Variants in PATJ observed in about 807,000 individuals in gnomAD.
The protein encoded by PATJ is inaD-like protein.
Under a neutral mutation model 224.9 loss-of-function variants are expected in PATJ, and 190 were observed. The observed-to-expected ratio is 0.84, with a 90% confidence interval of 0.75 to 0.95. The LOEUF is 0.95. PATJ is among the 40% of genes least tolerant of loss of function. The pLI is 0.00. For missense variants in PATJ, 2,121 were observed against 2,270.3 expected (o/e 0.93, Z 1.34); for synonymous variants, 769 against 820.3 (o/e 0.94, Z 1.07).
In PATJ at chr1:61,801,621, A is replaced by G. The variant is rs777038682; in HGVS notation, c.1403-2A>G. On this transcript the variant is annotated splice_acceptor_variant, in intron 11 of 43. Coordinates refer to ENST00000642238, the MANE Select transcript of PATJ (RefSeq NM_001350145.3). LOFTEE classifies it high-confidence loss of function. ...TTAAAAAATTATTTTTTTTTGTTTT[A>G]GGAACTGTTGTAGAACCACTGAAAC... is the stretch of plus-strand genomic sequence containing the variant. The G allele has an allele frequency of 1.5e-5, 23 of 1,504,238 alleles. No homozygotes were observed. Among genetic ancestry groups the G allele is most frequent in the Admixed American group, 2.2e-5 (1 of 45,074 alleles). The allele number at this position is 1,504,238 out of a possible 1,614,324, so 93.2% of individuals were successfully genotyped here.
chr1:61,855,048 A>G (rs1354950854), intron 17 of PATJ, among the ~76,000 whole-genome samples: 1 of 152,186 alleles, frequency 6.6e-6, no homozygotes, highest in Admixed American at 6.5e-5. Flanking sequence ...CATGGTTTCC[A>G]TGTCTTTTCT....
chr1:62,121,167 G>C lies in PATJ; in HGVS notation c.4891-14G>C. 1 of 1,576,128 alleles carries C rather than the reference G, an allele frequency of 6.3e-7. No homozygotes were observed. The highest frequency in any genetic ancestry group is 8.7e-7 in the Non-Finnish European group (1 of 1,147,726). On this transcript the variant is annotated splice_polypyrimidine_tract_variant and intron_variant, in intron 37 of 43. Coordinates refer to ENST00000642238, the MANE Select transcript of PATJ (RefSeq NM_001350145.3). ...AGTGTCTGCACACAGGTGACCCCTG[G>C]GTCTTTCTTTCAGGGTAGTCAGCAG...
In PATJ at chr1:61,997,785, TTTTTG is replaced by T. The variant is rs3060985; in HGVS notation, c.3867+7456_3867+7460del. The stretch of plus-strand genomic sequence containing the variant: ...CTTCTTAGTTTTTTATGTGTGCGGT[TTTTTG>T]TTTTGTTTTGTTTTGTTTTGTTTTG... On this transcript the variant is annotated intron_variant, in intron 28 of 43. Transcript: ENST00000642238. Among the ~76,000 whole-genome samples the T allele has an allele frequency of 7.2e-3, 982 of 137,078 alleles. 9 individuals are homozygous for T. The highest frequency in any genetic ancestry group is 0.016 in the Admixed American group (205 of 13,010). The allele number at this position is 137,078 out of a possible 152,430, so 89.9% of individuals were successfully genotyped here.
chr1:61,977,281 G>T (rs1644190163), intron 27 of PATJ, among the ~76,000 whole-genome samples: 1 of 151,906 alleles, frequency 6.6e-6, no homozygotes, highest in African/African-American at 2.4e-5. Flanking sequence ...GTAGAGATGG[G>T]GCTTTGCCAT....
intron 27 of PATJ, among the ~76,000 whole-genome samples, chr1:61,928,357 G>A (rs1187087236): frequency 1.3e-5 from 2 of 152,162 alleles, no homozygotes; most frequent in Non-Finnish European, 2.9e-5. Flanking sequence ...TGTGCGTCTA[G>A]TGTATACTAT....
Position 61,990,289 on chromosome 1 carries a change from A to C in PATJ, c.3792A>C (p.Ile1264=). 1.2e-6 allele frequency: 2 copies of C among 1,613,990 alleles called. No individual in the cohort carries two copies. The highest frequency in any genetic ancestry group is 1.7e-6 in the Non-Finnish European group (2 of 1,179,938). ...ATAAAGACCGATCACGCATGAGCAT[A>C]TTTGTGGTGGGAATTAACCCGGAAG... is the stretch of plus-strand genomic sequence containing the variant. The part of the protein sequence containing the change: ...AGNKDRSRMS[I]FVVGINPEGP... The change falls in exon 28 of 44, where the codon ATA becomes ATC. Residue 1264 remains isoleucine (I), a synonymous_variant. Transcript: ENST00000642238.
At position 62,161,145 on chromosome 1, in the gene PATJ, A is replaced by G. The variant is rs1669801996; in HGVS notation, c.*91A>G. 9.2e-6 allele frequency: 9 copies of G among 981,708 alleles called. No homozygotes were observed. In the South Asian group the frequency reaches 2.8e-4, roughly 31 times the overall value. The allele number at this position is 981,708 out of a possible 1,614,324, so 60.8% of individuals were successfully genotyped here. On this transcript the variant is annotated 3_prime_UTR_variant, in exon 44 of 44. Transcript: ENST00000642238. ...GTGGGTATGAAAAGCACCCTCAACT[A>G]AAATGCACCTTCATTCTTATTTCTT...
chr1:62,163,040 C>A lies in PATJ; in HGVS notation c.*1986C>A. The A allele has an allele frequency of 4.4e-6, 1 of 226,868 alleles. No homozygotes were observed. The highest frequency in any genetic ancestry group is 9.3e-6 in the Non-Finnish European group (1 of 108,078). 14.1% of individuals were successfully genotyped at this position (226,868 alleles called of 1,614,324 possible). A position where few individuals can be genotyped will look rare whatever the true frequency, so the allele number is the denominator to read the frequency against. Reference sequence around the variant, plus strand: ...CTACAACACAATGCTGCAAATATTTCACAGTAATTATCAAAATTTAATGGG... The same window carrying A: ...CTACAACACAATGCTGCAAATATTTAACAGTAATTATCAAAATTTAATGGG... On this transcript the variant is annotated 3_prime_UTR_variant, in exon 44 of 44. Coordinates refer to ENST00000642238, the MANE Select transcript of PATJ (RefSeq NM_001350145.3).
chr1:61,789,665 A>G (rs1212645763), intron 8 of PATJ, among the ~76,000 whole-genome samples: 1 of 152,104 alleles, frequency 6.6e-6, no homozygotes, highest in Non-Finnish European at 1.5e-5. Context: ...TACAAAGGTT[A>G]GCCAGGATTG....
intron 27 of PATJ, among the ~76,000 whole-genome samples, chr1:61,959,440 T>A (rs1423163283): frequency 0.22 from 16,012 of 72,272 alleles, 1,218 homozygotes; most frequent in Non-Finnish European, 0.28. Flanking sequence ...TTTTCTTTTC[T>A]TTTTTTTTTT....
chr1:61,809,497 C>G (rs1654265032), intron 14 of PATJ, among the ~76,000 whole-genome samples: 1 of 151,494 alleles, frequency 6.6e-6, no homozygotes. Flanking sequence ...AAGCGATTCT[C>G]CTGCCTCAGC....
In PATJ at chr1:62,148,376, T is replaced by C. The variant is rs1464071188; in HGVS notation, c.5364T>C (p.His1788=). 1 of 1,611,508 alleles carries C rather than the reference T, an allele frequency of 6.2e-7. No homozygotes were observed. Among genetic ancestry groups the C allele is most frequent in the Non-Finnish European group, 8.5e-7 (1 of 1,177,826 alleles). Residue 1788 remains histidine (H), a synonymous_variant, in exon 42 of 44, where the codon CAT becomes CAC. Transcript: ENST00000642238. ...TTGGTTCGCCCACTGCTGAACACCATCCAGAAGACACAGAGTGAGTATTTC... is the reference window on the plus strand; with the variant it reads ...TTGGTTCGCCCACTGCTGAACACCACCCAGAAGACACAGAGTGAGTATTTC... ...YHLGSPTAEH[H]PEDTETPPPK... is the part of the protein sequence containing the mutation.
At chr1:62,109,804 G>C (rs1222175378) in intron 34 of PATJ, among the ~76,000 whole-genome samples, 3 of 152,162 alleles carry the variant, frequency 2.0e-5, no homozygotes, top group Admixed American at 2.0e-4. Context: ...TCATTATCTT[G>C]AATGTGGTGA....
chr1:62,121,746 C>T (rs1558198075), intron 38 of PATJ, among the ~76,000 whole-genome samples: 1 of 149,428 alleles, frequency 6.7e-6, no homozygotes, highest in Non-Finnish European at 1.5e-5. Context: ...TGCACTCCAG[C>T]CTGGGTGACA....
intron 8 of PATJ, 79 bp downstream of exon 8, chr1:61,788,051 T>TGAAGC: frequency 1.2e-5 from 14 of 1,159,496 alleles, no homozygotes; most frequent in Non-Finnish European, 1.8e-5. Flanking sequence ...TCTTTCAACT[T>TGAAGC]GAAGCACCAC....
chr1:62,003,016 C>A (rs1180296004), intron 28 of PATJ, among the ~76,000 whole-genome samples: 18 of 152,154 alleles, frequency 1.2e-4, no homozygotes, highest in Non-Finnish European at 1.2e-4. Flanking sequence ...TCATTGGTCA[C>A]CAGTCCTGTC....
chr1:62,050,729 CAG>C (rs58923469), intron 30 of PATJ, among the ~76,000 whole-genome samples: 23,343 of 152,168 alleles, frequency 0.15, 1,935 homozygotes, highest in Middle Eastern at 0.26. Flanking sequence ...ACACCTGAAA[CAG>C]AGGGTGGGGA....
At chr1:61,908,599 A>T in intron 25 of PATJ, 117 bp downstream of exon 25, 1 of 640,504 alleles carries the variant, frequency 1.6e-6, no homozygotes, top group Non-Finnish European at 2.7e-6. Context: ...ACTATATTTA[A>T]AGTATGAGCT....
chr1:62,064,720 C>A (rs1184602717), intron 31 of PATJ, among the ~76,000 whole-genome samples: 2 of 152,178 alleles, frequency 1.3e-5, no homozygotes, highest in Non-Finnish European at 2.9e-5. Context: ...GGTCTTACTT[C>A]CAGGCTAGAA....
Sources: allele counts gnomAD v4.1 joint callset (sites outside exome capture counted in the v4.1 genomes callset), GRCh38; gene constraint gnomAD v4.1.1; transcripts MANE v1.5; gene names NCBI Gene and HGNC (gene_info 2026-07-23, HGNC 2026-07-21).